Variants in DCUN1D4 observed in about 807,000 individuals in gnomAD.
The protein encoded by DCUN1D4 is defective in cullin neddylation 1 domain containing 4, also known as DCN1-like protein 4.
In DCUN1D4, 22 loss-of-function variants were observed where a neutral mutation model predicts 47.9. That is an observed-to-expected ratio of 0.46 (90% CI 0.33 to 0.66). The LOEUF is 0.66. DCUN1D4 is among the 30% of genes least tolerant of loss of function. The pLI is 0.02. For synonymous variants in DCUN1D4, 121 were observed against 112.2 expected (o/e 1.08, Z -0.50); for missense variants, 301 against 340.8 (o/e 0.88, Z 0.92).
chr4:51,839,109 A>G (rs1721565933), upstream of DCUN1D4, among the ~76,000 whole-genome samples: 1 of 150,170 alleles, frequency 6.7e-6, no homozygotes, highest in Non-Finnish European at 1.5e-5. Flanking sequence ...AAAGGAAGGA[A>G]GAAGGGAAGG....
chr4:51,863,771 T>C (rs1040082550), intron 3 of DCUN1D4, 62 bp downstream of exon 3: 53 of 1,508,078 alleles, frequency 3.5e-5, no homozygotes, highest in Non-Finnish European at 4.8e-5. Context: ...GAAAGAGAAA[T>C]ACTAGCTATG....
At chr4:51,857,260 C>A (rs1724280509) in intron 1 of DCUN1D4, among the ~76,000 whole-genome samples, 1 of 152,092 alleles carries the variant, frequency 6.6e-6, no homozygotes, top group African/African-American at 2.4e-5. Flanking sequence ...CTATTTTCTG[C>A]AACTCCAGTG....
intron 1 of DCUN1D4, chr4:51,843,645 A>G (rs1721960412): frequency 2.1e-6 from 2 of 939,266 alleles, no homozygotes; most frequent in Admixed American, 6.6e-5. Context: ...GGGGGGTGGC[A>G]CCGGCGGGGA....
chr4:51,867,977 G>T (rs957750478), intron 3 of DCUN1D4, among the ~76,000 whole-genome samples: 2 of 152,262 alleles, frequency 1.3e-5, no homozygotes, highest in African/African-American at 2.4e-5. Context: ...CCTCGTGCTT[G>T]TTGGTGCCCA....
chr4:51,866,112 G>T (rs1195276717), intron 3 of DCUN1D4, among the ~76,000 whole-genome samples: 1 of 152,164 alleles, frequency 6.6e-6, no homozygotes, highest in African/African-American at 2.4e-5. Flanking sequence ...CGCTAGGAGT[G>T]TTCTAGGAGT....
chr4:51,842,875 C>T (rs933996441), upstream of DCUN1D4: 2 of 304,468 alleles, frequency 6.6e-6, no homozygotes, highest in Non-Finnish European at 1.2e-5. Context: ...CCCAGCTTCG[C>T]CCCTACACGC....
intron 3 of DCUN1D4, among the ~76,000 whole-genome samples, chr4:51,871,590 C>G (rs1455020473): frequency 6.6e-6 from 1 of 152,180 alleles, no homozygotes; most frequent in Non-Finnish European, 1.5e-5. Flanking sequence ...AAGCTAAGAA[C>G]CAAACCGTGA....
In DCUN1D4 at chr4:51,888,725, A is replaced by G. The variant is rs1404336623; in HGVS notation, c.414+2087A>G. ...GGCAACAGAGCAGGACTCCATCTCCAAAAAAAAAAAAAAAAAAACTCCATT... is the reference window on the plus strand; with the variant it reads ...GGCAACAGAGCAGGACTCCATCTCCGAAAAAAAAAAAAAAAAAACTCCATT... On this transcript the variant is annotated intron_variant, in intron 6 of 10. Transcript: ENST00000334635. 5.9e-5 allele frequency among the ~76,000 whole-genome samples: 8 copies of G among 136,158 alleles called. No individual in the cohort carries two copies. In the East Asian group the frequency reaches 1.4e-3, roughly 24 times the overall value. The allele number at this position is 136,158 out of a possible 152,430, so 89.3% of individuals were successfully genotyped here.
intron 4 of DCUN1D4, chr4:51,877,326 ATAT>A (rs1727865273): frequency 6.6e-6 from 1 of 152,278 alleles, no homozygotes; most frequent in African/African-American, 2.4e-5. Context: ...GAGTTGTCTA[ATAT>A]TGAGAGATTC....
chr4:51,874,143 T>C (rs1727314653), intron 3 of DCUN1D4, 128 bp from the exon 4 acceptor site: 1 of 497,972 alleles, frequency 2.0e-6, no homozygotes. Flanking sequence ...AACCCATCTT[T>C]TCTTTAACAT....
At position 51,890,157 on chromosome 4, in the gene DCUN1D4, T is replaced by G. The variant is rs113258873; in HGVS notation, c.415-1603T>G. 1.6e-3 allele frequency among the ~76,000 whole-genome samples: 237 copies of G among 152,254 alleles called. 4 individuals carry two copies. Among genetic ancestry groups the G allele is most frequent in the African/African-American group, 5.4e-3 (225 of 41,546 alleles). On this transcript the variant is annotated intron_variant, in intron 6 of 10. Coordinates refer to ENST00000334635, the MANE Select transcript of DCUN1D4 (RefSeq NM_001040402.3). ...CAAACTAGCTTATTGGCAGACAGATTAAAAAGAAGAGCTTCTGAATCTCCT... is the reference window on the plus strand; with the variant it reads ...CAAACTAGCTTATTGGCAGACAGATGAAAAAGAAGAGCTTCTGAATCTCCT...
chr4:51,881,374 A>C (rs976702235), intron 5 of DCUN1D4, among the ~76,000 whole-genome samples: 1 of 152,190 alleles, frequency 6.6e-6, no homozygotes, highest in African/African-American at 2.4e-5. Context: ...TCAGTCATGG[A>C]CAGTTGCAAC....
upstream of DCUN1D4, among the ~76,000 whole-genome samples, chr4:51,842,260 C>G (rs1370348061): frequency 2.0e-5 from 3 of 152,220 alleles, no homozygotes; most frequent in East Asian, 5.8e-4. Flanking sequence ...TGGTCTGCCC[C>G]CTGGACTCGT....
intron 8 of DCUN1D4, among the ~76,000 whole-genome samples, chr4:51,901,835 A>T (rs748388485): frequency 2.0e-4 from 30 of 152,224 alleles, no homozygotes; most frequent in Non-Finnish European, 4.3e-4. Context: ...GCCCTTTCAC[A>T]TAACAATAAA....
At position 51,844,371 on chromosome 4, in the gene DCUN1D4, G is replaced by A. The variant is rs544831343; in HGVS notation, c.25+1104G>A. 48 of 985,032 alleles carry A rather than the reference G, an allele frequency of 4.9e-5. 1 individual carries two copies. In the South Asian group the frequency reaches 1.9e-3, roughly 40 times the overall value. The allele number at this position is 985,032 out of a possible 1,614,324, so 61.0% of individuals were successfully genotyped here. ...AAGTGCCCTAAGGTTGGAACTGGCC[G>A]TGGTTCCCCCCGGACGGCGGGAAGC... On this transcript the variant is annotated intron_variant, in intron 1 of 10. Coordinates refer to ENST00000334635, the MANE Select transcript of DCUN1D4 (RefSeq NM_001040402.3).
chr4:51,894,591 T>C (rs1472046611), intron 7 of DCUN1D4, among the ~76,000 whole-genome samples: 1 of 152,144 alleles, frequency 6.6e-6, no homozygotes, highest in African/African-American at 2.4e-5. Flanking sequence ...AGTAACTAAA[T>C]AAGCATTGTA....
At chr4:51,840,452 G>A (rs771507599), upstream of DCUN1D4, among the ~76,000 whole-genome samples, 1 of 152,188 alleles carries the variant, frequency 6.6e-6, no homozygotes, top group Non-Finnish European at 1.5e-5. Context: ...TGGTACAGGG[G>A]ATAGAGTTGA....
intron 7 of DCUN1D4, among the ~76,000 whole-genome samples, chr4:51,893,288 T>C (rs554818276): frequency 1.3e-4 from 20 of 152,356 alleles, no homozygotes; most frequent in African/African-American, 4.8e-4. Context: ...TCTAGAATTT[T>C]AGAGTTAAAT....
intron 8 of DCUN1D4, 87 bp from the exon 9 acceptor site, chr4:51,910,983 T>C: frequency 7.7e-7 from 1 of 1,300,520 alleles, no homozygotes; most frequent in South Asian, 1.2e-5. Context: ...TTTACTAATT[T>C]CCTGTTGAAG....
Sources: allele counts gnomAD v4.1 joint callset (sites outside exome capture counted in the v4.1 genomes callset), GRCh38; gene constraint gnomAD v4.1.1; transcripts MANE v1.5; gene names NCBI Gene and HGNC (gene_info 2026-07-23, HGNC 2026-07-21).